The following FANCA variants were observed in gnomAD, a reference collection of about 807,000 sequenced individuals.
FANCA encodes Fanconi anemia group A protein.
In FANCA, 236 loss-of-function variants were observed where a neutral mutation model predicts 194.3. That is an observed-to-expected ratio of 1.21 (90% confidence interval 1.09 to 1.35). The LOEUF (loss-of-function observed/expected upper bound fraction) is 1.35. FANCA is among the 40% of genes most tolerant of loss of function. The probability of loss-of-function intolerance (pLI) is 0.00; values close to 1 mark genes in which losing one functional copy is unlikely to be tolerated. For missense variants in FANCA, 2,628 were observed against 1,813.9 expected, an observed-to-expected ratio of 1.45 and a Z score of -8.15; for synonymous variants, 1,014 against 715.8, an observed-to-expected ratio of 1.42 and a Z score of -6.65.
chr16:89,774,864 C>A (rs950765989), intron 21 of FANCA, among the ~76,000 whole-genome samples: 2 of 151,600 alleles, frequency 1.3e-5, no homozygotes, highest in African/African-American at 4.8e-5. Flanking sequence ...AAGGCCGAGG[C>A]AGGCGGATCA....
chr16:89,812,106 C>T (rs536830870), intron 3 of FANCA, among the ~76,000 whole-genome samples: 64 of 150,094 alleles, frequency 4.3e-4, no homozygotes, highest in Non-Finnish European at 7.0e-4. Flanking sequence ...GAGGCCGAGG[C>T]GGGCGGATTA....
At chr16:89,765,985 A>C in intron 27 of FANCA, among the ~76,000 whole-genome samples, 1 of 151,204 alleles carries the variant, frequency 6.6e-6, no homozygotes. Flanking sequence ...GAAGTTGAAA[A>C]CCATTATTTA....
intron 31 of FANCA, among the ~76,000 whole-genome samples, chr16:89,751,403 T>A (rs1395886347): frequency 1.3e-5 from 2 of 152,038 alleles, no homozygotes; most frequent in African/African-American, 4.8e-5. Flanking sequence ...GCCCAGGAAG[T>A]CAAGGCTGCA....
In FANCA at chr16:89,815,884, A is replaced by C. The variant is rs1170236785; in HGVS notation, c.182T>G (p.Leu61Trp). The C allele has an allele frequency of 3.1e-6, 5 of 1,612,624 alleles. No individual in the cohort carries two copies. The Admixed American group carries it at 8.3e-5, about 27-fold the overall frequency. Reference protein sequence around the residue: ...LRSHQDLNALLLEVEGPLCKK... With the variant: ...LRSHQDLNALWLEVEGPLCKK... ...ACACCAGCTTCCTCTTACCTCAAGC[A>C]AAAGGGCATTCAGGTCCTGATGGCT... The change falls in exon 2 of 43, where the codon TTG becomes TGG. Residue 61 changes from leucine (L) to tryptophan (W), a missense_variant. Leu to Trp is a moderately conservative substitution (Grantham distance 61, BLOSUM62 -2). Coordinates refer to ENST00000389301, the MANE Select transcript of FANCA (RefSeq NM_000135.4).
intron 38 of FANCA, chr16:89,740,587 G>C (rs1598056999): frequency 7.0e-6 from 4 of 570,948 alleles, no homozygotes; most frequent in Non-Finnish European, 1.2e-5. Flanking sequence ...AGTGAGCTGA[G>C]ATCACACCAC....
At chr16:89,792,777 G>T (rs2040120318) in intron 11 of FANCA, 1 of 469,034 alleles carries the variant, frequency 2.1e-6, no homozygotes, top group Non-Finnish European at 4.0e-6. Flanking sequence ...TGGTTGTGCT[G>T]TTATTTATTG....
chr16:89,770,503 G>T, intron 24 of FANCA, 61 bp downstream of exon 24: 3 of 1,476,286 alleles, frequency 2.0e-6, no homozygotes, highest in Non-Finnish European at 2.8e-6. Flanking sequence ...TGCAGACTTG[G>T]CCCAGCAAGA....
chr16:89,741,036 G>A (rs1231494494), intron 37 of FANCA, 170 bp from the exon 38 acceptor site: 1 of 659,578 alleles, frequency 1.5e-6, no homozygotes, highest in Non-Finnish European at 2.7e-6. Flanking sequence ...GCTTAATTGA[G>A]AATTAATTAC....
At chr16:89,798,349 A>C in intron 10 of FANCA, 1 of 1,034,148 alleles carries the variant, frequency 9.7e-7, no homozygotes, top group Non-Finnish European at 1.2e-6. Context: ...ATGCACATGT[A>C]AACATTCAGG....
chr16:89,815,078 T>C (rs11640549), intron 2 of FANCA, among the ~76,000 whole-genome samples: 78,175 of 151,948 alleles, frequency 0.51, 22,295 homozygotes, highest in East Asian at 0.98. Flanking sequence ...CTCACTGTCG[T>C]CCAGGCTGGA....
intron 14 of FANCA, chr16:89,790,993 G>A (rs543148058): frequency 4.7e-5 from 12 of 254,132 alleles, no homozygotes; most frequent in African/African-American, 2.2e-4. Context: ...CCACACCTGC[G>A]TAGTTTTTGT....
chr16:89,765,571 C>T (rs973725865), intron 27 of FANCA, among the ~76,000 whole-genome samples: 1 of 152,250 alleles, frequency 6.6e-6, no homozygotes, highest in Non-Finnish European at 1.5e-5. Context: ...GGTTTGGTCC[C>T]GGGCAGTGAA....
chr16:89,811,207 CA>C (rs1273047677), intron 3 of FANCA, 136 bp from the exon 4 acceptor site: 5 of 1,033,960 alleles, frequency 4.8e-6, no homozygotes, highest in Non-Finnish European at 7.3e-6. Flanking sequence ...AGAATAGATG[CA>C]AAGGGAAAAA....
intron 11 of FANCA, among the ~76,000 whole-genome samples, chr16:89,793,957 G>A (rs1285550540): frequency 6.6e-6 from 1 of 152,010 alleles, no homozygotes; most frequent in Admixed American, 6.6e-5. Flanking sequence ...TCACTCTTTT[G>A]GCCAGGCTGG....
chr16:89,795,878 A>C, intron 11 of FANCA, 28 bp downstream of exon 11: 1 of 1,545,768 alleles, frequency 6.5e-7, no homozygotes, highest in South Asian at 1.1e-5. Flanking sequence ...AATGGGTAGC[A>C]ACTGAGCAGC....
At chr16:89,776,236 C>T (rs778122609) in intron 20 of FANCA, among the ~76,000 whole-genome samples, 6 of 138,416 alleles carry the variant, frequency 4.3e-5, no homozygotes, top group South Asian at 4.7e-4. Context: ...GGTGCGATCT[C>T]GGCTCACTGC....
intron 32 of FANCA, 118 bp downstream of exon 32, chr16:89,749,612 G>A (rs1265680585): frequency 1.6e-6 from 2 of 1,270,570 alleles, no homozygotes; most frequent in East Asian, 5.1e-5. Context: ...CTTGGGGTGG[G>A]GACACACAGA....
At position 89,778,868 on chromosome 16, in the gene FANCA, A is replaced by T. The variant is rs774833285; in HGVS notation, c.1777-18T>A. ...TTGGGGAGCTGTGGGAAGAGAAGAG[A>T]CCTGTGAGAGACTGACAAGGAAAGT... On this transcript the variant is annotated intron_variant, in intron 19 of 42. Transcript: ENST00000389301. The T allele has an allele frequency of 1.2e-6, 2 of 1,613,920 alleles. No homozygotes were observed. Among genetic ancestry groups the T allele is most frequent in the Non-Finnish European group, 1.7e-6 (2 of 1,179,998 alleles).
intron 10 of FANCA, 137 bp from the exon 11 acceptor site, chr16:89,796,155 CCA>C (rs1444438458): frequency 1.4e-6 from 1 of 721,114 alleles, no homozygotes; most frequent in African/African-American, 1.7e-5. Context: ...GCCACTATAA[CCA>C]CAGACTTGAA....
Sources: gnomAD v4.1 joint callset for allele counts (sites outside exome capture counted in the v4.1 genomes callset) on GRCh38, gnomAD v4.1.1 for gene constraint, MANE v1.5 for transcripts, NCBI Gene and HGNC (gene_info 2026-07-23, HGNC 2026-07-21) for gene names.